The following PPP2R2B variants were observed in gnomAD, a reference collection of about 807,000 sequenced individuals.
PPP2R2B encodes the protein serine/threonine-protein phosphatase 2A 55 kDa regulatory subunit B beta isoform.
Under a neutral mutation model 46.0 loss-of-function variants are expected in PPP2R2B, and 5 were observed. The ratio of observed to expected loss-of-function variants is 0.11; its 90% CI spans 0.06 to 0.23. PPP2R2B has a LOEUF of 0.23. PPP2R2B is among the 10% of genes least tolerant of loss of function. The pLI, the probability that PPP2R2B is intolerant of heterozygous loss-of-function variation, is 1.00. For missense variants in PPP2R2B, 367 were observed against 575.0 expected (o/e 0.64, Z 3.70); for synonymous variants, 215 against 206.7 (o/e 1.04, Z -0.34).
At position 146,589,563 on chromosome 5, in the gene PPP2R2B, CTTAA is replaced by C. The variant is rs543951164; in HGVS notation, c.*380_*383del. The C allele has an allele frequency of 6.1e-6, 1 of 164,834 alleles. No homozygotes were observed. The highest frequency in any genetic ancestry group is 2.4e-5 in the African/African-American group (1 of 41,702). 10.2% of individuals were successfully genotyped at this position (164,834 alleles called of 1,614,324 possible). ...GATTTTTTTCAATCAAATGGAATTGCTTAATTAAAAAAAACTTATCTCTTTTCTC... is the reference window on the plus strand; with the variant it reads ...GATTTTTTTCAATCAAATGGAATTGCTTAAAAAAAACTTATCTCTTTTCTC... On this transcript the variant is annotated 3_prime_UTR_variant, in exon 10 of 10. Coordinates refer to ENST00000394411, the MANE Select transcript of PPP2R2B (RefSeq NM_181675.4).
intron 2 of PPP2R2B, among the ~76,000 whole-genome samples, chr5:146,792,384 C>T (rs1756255789): frequency 6.6e-6 from 1 of 152,164 alleles, no homozygotes; most frequent in South Asian, 2.1e-4. Flanking sequence ...ATGCATTCAT[C>T]CATTCAACAT....
At chr5:146,794,814 A>G (rs781119203) in intron 2 of PPP2R2B, among the ~76,000 whole-genome samples, 8 of 152,148 alleles carry the variant, frequency 5.3e-5, no homozygotes, top group Non-Finnish European at 1.2e-4. Flanking sequence ...AATCATATTA[A>G]TATGGTGCAG....
At chr5:146,818,493 T>C (rs1027471697) in intron 2 of PPP2R2B, among the ~76,000 whole-genome samples, 1 of 152,174 alleles carries the variant, frequency 6.6e-6, no homozygotes, top group African/African-American at 2.4e-5. Flanking sequence ...CCAAGATTTA[T>C]AAGCCACTGA....
chr5:146,733,430 AAATG>A (rs1752349372), intron 2 of PPP2R2B, among the ~76,000 whole-genome samples: 1 of 152,254 alleles, frequency 6.6e-6, no homozygotes, highest in Non-Finnish European at 1.5e-5. Flanking sequence ...TATTTTAAAT[AAATG>A]AATAAGCTCT....
chr5:147,034,225 C>T (rs1297732878), intron 1 of PPP2R2B, among the ~76,000 whole-genome samples: 1 of 152,108 alleles, frequency 6.6e-6, no homozygotes, highest in Admixed American at 6.6e-5. Flanking sequence ...TGGCTGATGA[C>T]CTCATGTCCT....
chr5:146,582,266 C>T lies in PPP2R2B; in HGVS notation c.*7681G>A, dbSNP rs891703969. 3.9e-5 allele frequency: 6 copies of T among 152,120 alleles called. No individual in the cohort carries two copies. Among genetic ancestry groups the T allele is most frequent in the Admixed American group, 1.3e-4 (2 of 15,266 alleles). 9.4% of individuals were successfully genotyped at this position (152,120 alleles called of 1,614,324 possible). ...AATAGCTCTTGTCACTTCCCTTTGC[C>T]TTGTTATGGGGAATATTTAGTGCTG... is the stretch of plus-strand genomic sequence containing the variant. On this transcript the variant is annotated 3_prime_UTR_variant, in exon 10 of 10. Transcript: ENST00000394411.
chr5:146,716,467 C>T (rs1305274699), intron 2 of PPP2R2B, among the ~76,000 whole-genome samples: 6 of 152,006 alleles, frequency 3.9e-5, no homozygotes. Context: ...TCTAATAATA[C>T]AATTTAGCTC....
intron 7 of PPP2R2B, among the ~76,000 whole-genome samples, chr5:146,616,526 T>C (rs768753406): frequency 1.3e-5 from 2 of 151,996 alleles, no homozygotes; most frequent in Non-Finnish European, 2.9e-5. Context: ...AACAATTCTA[T>C]AGGAAAAAAA....
intron 2 of PPP2R2B, among the ~76,000 whole-genome samples, chr5:147,072,961 G>C (rs543775281): frequency 6.6e-6 from 1 of 152,254 alleles, no homozygotes; most frequent in South Asian, 2.1e-4. Flanking sequence ...TTCCTAGTGT[G>C]GGTTGGGTGA....
intron 1 of PPP2R2B, among the ~76,000 whole-genome samples, chr5:146,898,333 G>C (rs1040393388): frequency 6.6e-6 from 1 of 152,088 alleles, no homozygotes; most frequent in Non-Finnish European, 1.5e-5. Flanking sequence ...TTGCAGTATA[G>C]TTTGAAGTTT....
chr5:146,680,856 C>A (rs6883261), intron 5 of PPP2R2B, among the ~76,000 whole-genome samples: 8 of 152,276 alleles, frequency 5.3e-5, no homozygotes, highest in Admixed American at 2.0e-4. Context: ...TGTTGCTAAA[C>A]CATTCTAAGG....
At chr5:146,712,255 C>T (rs892012623) in intron 2 of PPP2R2B, among the ~76,000 whole-genome samples, 1 of 152,170 alleles carries the variant, frequency 6.6e-6, no homozygotes, top group East Asian at 1.9e-4. Context: ...CTTTCTCCCT[C>T]CCTCCTTCTA....
intron 1 of PPP2R2B, among the ~76,000 whole-genome samples, chr5:147,010,388 C>T (rs1254001934): frequency 6.6e-6 from 1 of 152,104 alleles, no homozygotes; most frequent in African/African-American, 2.4e-5. Flanking sequence ...TGTATTGTAA[C>T]ATGTAGTGAA....
chr5:146,993,524 G>A lies in PPP2R2B; in HGVS notation c.79+62141C>T, dbSNP rs146891903. 8.3e-4 allele frequency among the ~76,000 whole-genome samples: 127 copies of A among 152,322 alleles called. 3 individuals are homozygous for A. The East Asian group carries it at 0.023, about 28-fold the overall frequency. On this transcript the variant is annotated intron_variant, in intron 1 of 8. Transcript: ENST00000336640. ...CCCAAAGTGCTGGGATTACAGGTGT[G>A]AGCCACTGCACCCAGCTGGTGATAG... is the stretch of plus-strand genomic sequence containing the variant.
intron 2 of PPP2R2B, among the ~76,000 whole-genome samples, chr5:146,772,120 C>T (rs73793266): frequency 0.058 from 8,876 of 152,012 alleles, 329 homozygotes; most frequent in African/African-American, 0.11. Flanking sequence ...TACTAAAAAA[C>T]ATAATGCAAC....
intron 1 of PPP2R2B, among the ~76,000 whole-genome samples, chr5:146,971,785 A>G (rs549965981): frequency 6.6e-6 from 1 of 152,326 alleles, no homozygotes; most frequent in South Asian, 2.1e-4. Context: ...CCTATAGGTA[A>G]AAATTACATC....
Position 146,854,161 on chromosome 5 carries a change from G to A in PPP2R2B, c.70+23841C>T, listed in dbSNP as rs191493477. Among the ~76,000 whole-genome samples, 215 of 152,170 alleles carry A rather than the reference G, an allele frequency of 1.4e-3. 2 individuals are homozygous for A. The highest frequency in any genetic ancestry group is 1.2e-3 in the Non-Finnish European group (84 of 67,998). ...ATGCCAGACTCTTCATTCCCAATCTGCTGACACACATTAAATTATTATTTC... is the reference window on the plus strand; with the variant it reads ...ATGCCAGACTCTTCATTCCCAATCTACTGACACACATTAAATTATTATTTC... On this transcript the variant is annotated intron_variant, in intron 2 of 9. Transcript: ENST00000394411.
At chr5:146,727,241 T>TA (rs1162247872) in intron 2 of PPP2R2B, among the ~76,000 whole-genome samples, 309 of 142,108 alleles carry the variant, frequency 2.2e-3, no homozygotes, top group African/African-American at 5.1e-3. Flanking sequence ...AACATTTATT[T>TA]AAAAAAAAAA....
chr5:147,049,088 A>C (rs1483942810), intron 1 of PPP2R2B, among the ~76,000 whole-genome samples: 1 of 131,510 alleles, frequency 7.6e-6, no homozygotes, highest in Admixed American at 8.1e-5. Flanking sequence ...TCTTGAGAGA[A>C]AGGGAATGAG....
Sources: allele counts gnomAD v4.1 joint callset (sites outside exome capture counted in the v4.1 genomes callset), GRCh38; gene constraint gnomAD v4.1.1; transcripts MANE v1.5; gene names NCBI Gene and HGNC (gene_info 2026-07-23, HGNC 2026-07-21).